The following DPH6 variants were observed in gnomAD, a reference collection of about 807,000 sequenced individuals.
DPH6 encodes the protein diphthine--ammonia ligase.
In DPH6, 33 loss-of-function variants were observed where a neutral mutation model predicts 38.2. That is an observed-to-expected ratio of 0.86 (90% CI 0.65 to 1.15). The LOEUF (loss-of-function observed/expected upper bound fraction) is 1.15, where lower values mean the gene tolerates loss of function less well. Among genes scored for constraint, DPH6 ranks in the 50% most tolerant of loss-of-function variants. The pLI, the probability that DPH6 is intolerant of heterozygous loss-of-function variation, is 0.00. For synonymous variants in DPH6, 108 were observed against 103.0 expected (o/e 1.05, Z -0.30); for missense variants, 325 against 320.0 (o/e 1.02, Z -0.12).
intron 3 of DPH6, among the ~76,000 whole-genome samples, chr15:35,455,215 C>T (rs2053981466): frequency 6.6e-6 from 1 of 151,876 alleles, no homozygotes; most frequent in Non-Finnish European, 1.5e-5. Flanking sequence ...TAAGCAATGG[C>T]ATAAATAGAT....
downstream of DPH6, among the ~76,000 whole-genome samples, chr15:35,212,514 G>A (rs143132077): frequency 4.6e-5 from 7 of 152,100 alleles, no homozygotes; most frequent in East Asian, 7.7e-4. Context: ...GGGAAAGATC[G>A]TTTAAAAAAA....
intron 3 of DPH6, among the ~76,000 whole-genome samples, chr15:35,499,172 T>C (rs1290766060): frequency 2.6e-5 from 4 of 152,108 alleles, no homozygotes; most frequent in Non-Finnish European, 4.4e-5. Context: ...ACACCAGATA[T>C]TAAATAAACT....
intron 6 of DPH6, among the ~76,000 whole-genome samples, chr15:35,408,202 T>C (rs62002905): frequency 0.37 from 55,573 of 151,808 alleles, 12,183 homozygotes; most frequent in African/African-American, 0.62. Flanking sequence ...CTAAAGAATT[T>C]GGATTTTTGC....
At chr15:35,403,928 T>C (rs2053256232) in intron 6 of DPH6, among the ~76,000 whole-genome samples, 1 of 151,984 alleles carries the variant, frequency 6.6e-6, no homozygotes, top group Admixed American at 6.6e-5. Context: ...TTTCCATGAA[T>C]TCAATTGTTT....
intron 3 of DPH6, among the ~76,000 whole-genome samples, chr15:35,309,398 G>C (rs2140820529): frequency 6.6e-6 from 1 of 152,308 alleles, no homozygotes; most frequent in Middle Eastern, 3.4e-3. Flanking sequence ...AGCTAGCACA[G>C]GTAGAATGAC....
intron 6 of DPH6, among the ~76,000 whole-genome samples, chr15:35,394,687 T>C (rs2053107537): frequency 6.6e-6 from 1 of 152,188 alleles, no homozygotes; most frequent in African/African-American, 2.4e-5. Context: ...ATGTAAGCGC[T>C]TTCTCTGAGC....
chr15:35,510,194 C>T (rs761210583), intron 3 of DPH6, among the ~76,000 whole-genome samples: 60 of 152,144 alleles, frequency 3.9e-4, no homozygotes, highest in Non-Finnish European at 6.3e-4. Context: ...GCCTAGGTAA[C>T]AGAAGGAAAT....
the DPH6 span, among the ~76,000 whole-genome samples, chr15:35,151,838 G>A: frequency 3.3e-5 from 5 of 152,158 alleles, no homozygotes; most frequent in African/African-American, 7.2e-5. Context: ...GATAATAAGC[G>A]ACGCAGAACG....
intron 3 of DPH6, among the ~76,000 whole-genome samples, chr15:35,352,683 T>C (rs1486936429): frequency 6.6e-6 from 1 of 152,214 alleles, no homozygotes; most frequent in Non-Finnish European, 1.5e-5. Context: ...TCTATCATTG[T>C]TGGACATTTG....
At chr15:35,350,893 G>A (rs928134183) in intron 3 of DPH6, among the ~76,000 whole-genome samples, 10 of 152,242 alleles carry the variant, frequency 6.6e-5, no homozygotes, top group Admixed American at 5.9e-4. Flanking sequence ...AGAAGAATGT[G>A]TATTCTGCTG....
intron 2 of DPH6, among the ~76,000 whole-genome samples, chr15:35,540,337 C>T (rs777726715): frequency 4.6e-5 from 7 of 152,168 alleles, no homozygotes; most frequent in South Asian, 2.1e-4. Context: ...ATGACAAGTT[C>T]GCATTATCCT....
At chr15:35,386,586 T>G (rs2052962339) in intron 6 of DPH6, among the ~76,000 whole-genome samples, 1 of 152,250 alleles carries the variant, frequency 6.6e-6, no homozygotes. Flanking sequence ...TGCATTTCTC[T>G]GATGGCCAGT....
intron 1 of DPH6, 49 bp downstream of exon 1, chr15:35,546,070 G>C (rs749402280): frequency 1.3e-5 from 17 of 1,340,180 alleles, no homozygotes; most frequent in African/African-American, 1.5e-5. Flanking sequence ...GGCTGGAAGG[G>C]ACGAGAGCCT....
chr15:35,261,094 C>T (rs924001384), intron 3 of DPH6, among the ~76,000 whole-genome samples: 2 of 152,194 alleles, frequency 1.3e-5, no homozygotes, highest in East Asian at 3.8e-4. Context: ...TTTCTGCATA[C>T]CTCAGTCCTT....
the DPH6 span, among the ~76,000 whole-genome samples, chr15:35,151,124 G>C: frequency 6.6e-6 from 1 of 152,112 alleles, no homozygotes; most frequent in Non-Finnish European, 1.5e-5. Flanking sequence ...ACTTTAACCC[G>C]GGGAAGTGGG....
the DPH6 span, among the ~76,000 whole-genome samples, chr15:35,205,396 G>A: frequency 2.0e-5 from 3 of 151,986 alleles, no homozygotes; most frequent in African/African-American, 7.2e-5. Flanking sequence ...ATACAGCAGA[G>A]TCTACCTTGA....
chr15:35,519,804 A>C (rs1032825517), intron 3 of DPH6: 2 of 152,252 alleles, frequency 1.3e-5, no homozygotes, highest in African/African-American at 4.8e-5. Flanking sequence ...TAATTTCTCT[A>C]AAGGGTCAAA....
chr15:35,276,412 T>C (rs1165968095), intron 3 of DPH6, among the ~76,000 whole-genome samples: 2 of 152,258 alleles, frequency 1.3e-5, no homozygotes, highest in African/African-American at 4.8e-5. Context: ...CTGTTCCTTT[T>C]GCCATGCAAA....
the DPH6 span, among the ~76,000 whole-genome samples, chr15:35,179,812 T>C: frequency 6.6e-6 from 1 of 152,014 alleles, no homozygotes; most frequent in African/African-American, 2.4e-5. Context: ...AACTAAGGAG[T>C]TGATGCAGTT....
Sources: gnomAD v4.1 joint callset for allele counts (sites outside exome capture counted in the v4.1 genomes callset) on GRCh38, gnomAD v4.1.1 for gene constraint, MANE v1.5 for transcripts, NCBI Gene and HGNC (gene_info 2026-07-23, HGNC 2026-07-21) for gene names.